MGAT4B: variants seen among roughly 807,000 people sequenced by gnomAD.
MGAT4B encodes N-acetylglucosaminyltransferase IVb.
A neutral mutation model predicts 73.9 loss-of-function variants in MGAT4B; 38 were observed. That is an observed-to-expected ratio of 0.51 (90% CI 0.40 to 0.67). The LOEUF is 0.67. Ranked by LOEUF, MGAT4B falls within the 30% of genes least tolerant of loss-of-function variation. The pLI is 0.00. For missense variants in MGAT4B, 686 were observed against 735.2 expected, an observed-to-expected ratio of 0.93 and a Z score of 0.77; for synonymous variants, 373 against 313.5, an observed-to-expected ratio of 1.19 and a Z score of -2.01.
intron 12 of MGAT4B, 22 bp downstream of exon 12, chr5:179,798,491 A>G (rs1318586107): frequency 1.2e-6 from 2 of 1,613,378 alleles, no homozygotes; most frequent in South Asian, 2.2e-5. Context: ...GCTTCAGTGC[A>G]CACCACACCC....
intron 9 of MGAT4B, 45 bp from the exon 10 acceptor site, chr5:179,799,355 TC>T (rs778444941): frequency 6.9e-6 from 11 of 1,605,566 alleles, no homozygotes; most frequent in Non-Finnish European, 8.5e-6. Context: ...TAGCCCTCCT[TC>T]CTCAACACGG....
At chr5:179,803,392 C>T in intron 1 of MGAT4B, 1 of 468,090 alleles carries the variant, frequency 2.1e-6, no homozygotes, top group Non-Finnish European at 2.8e-6. Context: ...GAATGCAGAG[C>T]TGGCTATCCC....
chr5:179,801,965 G>T lies in MGAT4B; in HGVS notation c.102C>A (p.Asp34Glu). ...WYAALSGQKGDVVDVYQREFL... is the reference protein window; with the variant it reads ...WYAALSGQKGEVVDVYQREFL... ...ACTCCCGCTGGTAAACGTCCACAAC[G>T]TCGCCTGCAGGTGGTAGGCAAGCCG... Residue 34 changes from aspartate to glutamate, a missense_variant, in exon 2 of 15, where the codon GAC becomes GAA. Coordinates refer to ENST00000292591, the MANE Select transcript of MGAT4B (RefSeq NM_014275.5). This position sits in a 1 kb window ranked among gnomAD's most constrained non-coding sequence, Gnocchi z 4.8. The T allele has an allele frequency of 6.2e-7, 1 of 1,613,378 alleles. No homozygotes were observed. Among genetic ancestry groups the T allele is most frequent in the Non-Finnish European group, 8.5e-7 (1 of 1,180,002 alleles).
At position 179,799,596 on chromosome 5, in the gene MGAT4B, C is replaced by G; in HGVS notation, c.951G>C (p.Glu317Asp). 6.2e-7 allele frequency: 1 copy of G among 1,613,932 alleles called. No homozygotes were observed. Among genetic ancestry groups the G allele is most frequent in the Non-Finnish European group, 8.5e-7 (1 of 1,180,038 alleles). Reference protein sequence around the residue: ...FKSLDLSLIVEFILMFYRDKP... With the variant: ...FKSLDLSLIVDFILMFYRDKP... Reference sequence around the variant, plus strand: ...TGTCCCGGTAGAACATGAGAATGAACTCTACAATCAGGCTCAGGTCCAGCG... The same window carrying G: ...TGTCCCGGTAGAACATGAGAATGAAGTCTACAATCAGGCTCAGGTCCAGCG... The change falls in exon 9 of 15, where the codon GAG (glutamate) becomes GAC (aspartate). Residue 317 changes from glutamate to aspartate, a missense_variant. Glu to Asp is a conservative substitution (Grantham distance 45). Coordinates refer to ENST00000292591, the MANE Select transcript of MGAT4B (RefSeq NM_014275.5).
rs188392461 is a variant in MGAT4B at position 179,799,562 on chromosome 5, C to T, written c.985G>A (p.Asp329Asn). 7 of 1,614,002 alleles carry T rather than the reference C, an allele frequency of 4.3e-6. No individual in the cohort carries two copies. The highest frequency in any genetic ancestry group is 1.7e-5 in the Admixed American group (1 of 60,026). The change falls in exon 9 of 15, where the codon GAC becomes AAC. Residue 329 changes from aspartate to asparagine, a missense_variant. Asp to Asn is a conservative substitution (Grantham distance 23). Around this residue, in one of 2 missense-constraint regions of MGAT4B, gnomAD observed 449 missense variants for 536.8 expected, o/e 0.84. Transcript: ENST00000292591. ...ILMFYRDKPI[D>N]WLLDHILWVK... ...CACAGAATATGGTCCAGGAGCCAGT[C>T]GATGGGCTTGTCCCGGTAGAACATG...
intron 1 of MGAT4B, chr5:179,802,306 G>A (rs922933298): frequency 9.4e-6 from 13 of 1,379,776 alleles, no homozygotes; most frequent in Middle Eastern, 2.7e-4. Flanking sequence ...GACTGAATCC[G>A]CTCCATCCGT....
rs1299754006 is a variant in MGAT4B, at chr5:179,806,792, C to T, written c.-209G>A. ...GGGCGCAAGCTTTGTGCCCTGTACT[C>T]AGGGAAGAGGAACAGGCTCAGAAGG... On this transcript the variant is annotated 5_prime_UTR_variant, in exon 1 of 15. Coordinates refer to ENST00000292591, the MANE Select transcript of MGAT4B (RefSeq NM_014275.5). The surrounding 1 kb of genome is among the most constrained non-coding windows in gnomAD (Gnocchi z 4.6). The T allele has an allele frequency of 6.7e-6, 1 of 149,496 alleles. No homozygotes were observed. The highest frequency in any genetic ancestry group is 1.5e-5 in the Non-Finnish European group (1 of 67,150). 9.3% of individuals were successfully genotyped at this position (149,496 alleles called of 1,614,324 possible). A position where few individuals can be genotyped will look rare whatever the true frequency, so the allele number is the denominator to read the frequency against.
chr5:179,799,489 C>A lies in MGAT4B; in HGVS notation c.1041+17G>T. 1.2e-6 allele frequency: 2 copies of A among 1,613,570 alleles called. No homozygotes were observed. The highest frequency in any genetic ancestry group is 1.7e-6 in the Non-Finnish European group (2 of 1,179,892). On this transcript the variant is annotated intron_variant, in intron 9 of 14. Transcript: ENST00000292591. ...CCCTTGGCCCTGCCCCTGCCAGTCC[C>A]GCCAGCTCTTGCTCACCGCATCCTT...
chr5:179,801,070 G>T lies in MGAT4B; in HGVS notation c.559-117C>A. On this transcript the variant is annotated intron_variant, in intron 4 of 14. Coordinates refer to ENST00000292591, the MANE Select transcript of MGAT4B (RefSeq NM_014275.5). The surrounding 1 kb of genome is among the most constrained non-coding windows in gnomAD (Gnocchi z 4.8). The stretch of plus-strand genomic sequence containing the variant: ...CCCACGTGGAGGGAGTGAGCCTGCT[G>T]TGCTGAGGGCGGAGTAAGGGGGCCC... The T allele has an allele frequency of 7.3e-7, 1 of 1,360,578 alleles. No homozygotes were observed. 84.3% of individuals were successfully genotyped at this position (1,360,578 alleles called of 1,614,324 possible). A position where few individuals can be genotyped will look rare whatever the true frequency, so the allele number is the denominator to read the frequency against.
In MGAT4B at chr5:179,798,954, G is replaced by A. The variant is rs1280406362; in HGVS notation, c.1317C>T (p.Arg439=). 2 of 1,613,654 alleles carry A rather than the reference G, an allele frequency of 1.2e-6. No homozygotes were observed. The highest frequency in any genetic ancestry group is 1.7e-5 in the Admixed American group (1 of 60,032). Residue 439 remains arginine (R), a synonymous_variant, in exon 11 of 15, where the codon CGC becomes CGT. Transcript: ENST00000292591. ...GCTCCAGTCTTAGAGGTTGGAAGAA[G>A]CGGAAGCGGATGAAGTCCCCCGCGG... ...TPAAGDFIRF[R]FFQPLRLERF...
intron 10 of MGAT4B, 35 bp from the exon 11 acceptor site, chr5:179,799,156 G>A: frequency 6.2e-7 from 1 of 1,613,926 alleles, no homozygotes; most frequent in African/African-American, 1.3e-5. Flanking sequence ...GATGGCGTGG[G>A]CCCCGACCTT....
At chr5:179,804,584 C>G (rs924940731) in intron 1 of MGAT4B, among the ~76,000 whole-genome samples, 14 of 152,200 alleles carry the variant, frequency 9.2e-5, no homozygotes, top group Non-Finnish European at 1.2e-4. Flanking sequence ...AGAGGCCGTC[C>G]TGGGCTTGAC....
Position 179,806,445 on chromosome 5 carries a change from C to CCCAGATGCG in MGAT4B, c.97+41_97+42insCGCATCTGG, listed in dbSNP as rs1562626254. The CCCAGATGCG allele has an allele frequency of 1.7e-6, 2 of 1,182,024 alleles. No homozygotes were observed. Among genetic ancestry groups the CCCAGATGCG allele is most frequent in the South Asian group, 4.6e-5 (2 of 43,114 alleles). The allele number at this position is 1,182,024 out of a possible 1,614,324, so 73.2% of individuals were successfully genotyped here. A position where few individuals can be genotyped will look rare whatever the true frequency, so the allele number is the denominator to read the frequency against. ...GCCGGGCCCGCTCCCGCCGCCGACG[C>CCCAGATGCG]CCAGGTGCGCCAGGTGCGGGCCGGG... On this transcript the variant is annotated intron_variant, in intron 1 of 14. Transcript: ENST00000292591. The surrounding 1 kb of genome is among the most constrained non-coding windows in gnomAD (Gnocchi z 4.6).
In MGAT4B at chr5:179,799,650, G is replaced by T; in HGVS notation, c.911-14C>A. ...TGAACATCTTACCTGGTGGGGAGGGGCCTGAGTGGGCAGTGCTGCTCTGCC... is the reference window on the plus strand; with the variant it reads ...TGAACATCTTACCTGGTGGGGAGGGTCCTGAGTGGGCAGTGCTGCTCTGCC... On this transcript the variant is annotated splice_polypyrimidine_tract_variant and intron_variant, in intron 8 of 14. Transcript: ENST00000292591. 1 of 1,613,366 alleles carries T rather than the reference G, an allele frequency of 6.2e-7. No homozygotes were observed. Among genetic ancestry groups the T allele is most frequent in the Non-Finnish European group, 8.5e-7 (1 of 1,179,982 alleles).
chr5:179,799,698 G>GC (rs955335973), intron 8 of MGAT4B, 62 bp from the exon 9 acceptor site: 19 of 1,605,954 alleles, frequency 1.2e-5, no homozygotes, highest in Non-Finnish European at 1.6e-5. Flanking sequence ...CCCTGCAGCG[G>GC]CCCCCGAGTC....
Position 179,800,762 on chromosome 5 carries a change from C to G in MGAT4B, c.605+145G>C. 6 of 1,056,786 alleles carry G rather than the reference C, an allele frequency of 5.7e-6. No individual in the cohort carries two copies. The South Asian group carries it at 8.2e-5, about 15-fold the overall frequency. 65.5% of individuals were successfully genotyped at this position (1,056,786 alleles called of 1,614,324 possible). A position where few individuals can be genotyped will look rare whatever the true frequency, so the allele number is the denominator to read the frequency against. On this transcript the variant is annotated intron_variant, in intron 5 of 14. Coordinates refer to ENST00000292591, the MANE Select transcript of MGAT4B (RefSeq NM_014275.5). ...GAGCTCCAGAGGGGCTGGGCCACTTCTGCACACCCACCCCTCCCCCACCAG... is the reference window on the plus strand; with the variant it reads ...GAGCTCCAGAGGGGCTGGGCCACTTGTGCACACCCACCCCTCCCCCACCAG...
rs561073025 is a variant in MGAT4B, at chr5:179,806,663, A to AGGCGGCGGCGGC, written c.-92_-81dup. 2 of 582,916 alleles carry AGGCGGCGGCGGC rather than the reference A, an allele frequency of 3.4e-6. No individual in the cohort carries two copies. Among genetic ancestry groups the AGGCGGCGGCGGC allele is most frequent in the Admixed American group, 7.1e-5 (1 of 14,024 alleles). The allele number at this position is 582,916 out of a possible 1,614,324, so 36.1% of individuals were successfully genotyped here. The stretch of plus-strand genomic sequence containing the variant: ...CCGGGGCCGGGGCGCAGGGGTCGGA[A>AGGCGGCGGCGGC]GGCGGCGGCGGCGGCGGCAGGGGCC... On this transcript the variant is annotated 5_prime_UTR_variant, in exon 1 of 15. Coordinates refer to ENST00000292591, the MANE Select transcript of MGAT4B (RefSeq NM_014275.5). This position sits in a 1 kb window ranked among gnomAD's most constrained non-coding sequence, Gnocchi z 4.6.
rs1274116648 is a variant in MGAT4B at position 179,801,534 on chromosome 5, C to T, written c.424+20G>A. 5 of 1,605,784 alleles carry T rather than the reference C, an allele frequency of 3.1e-6. No individual in the cohort carries two copies. The Admixed American group carries it at 5.0e-5, about 16-fold the overall frequency. ...CCACCCGTCCCCCCACCCCGTGCTC[C>T]TCCCTGTCTGCGCCCATACCTCCGG... On this transcript the variant is annotated intron_variant, in intron 3 of 14. Coordinates refer to ENST00000292591, the MANE Select transcript of MGAT4B (RefSeq NM_014275.5). The surrounding 1 kb of genome is among the most constrained non-coding windows in gnomAD (Gnocchi z 4.8).
chr5:179,802,204 G>A lies in MGAT4B; in HGVS notation c.98-235C>T, dbSNP rs1026044871. 31 of 1,478,618 alleles carry A rather than the reference G, an allele frequency of 2.1e-5. No individual in the cohort carries two copies. In the Admixed American group the frequency reaches 2.3e-4, roughly 11 times the overall value. The allele number at this position is 1,478,618 out of a possible 1,614,324, so 91.6% of individuals were successfully genotyped here. ...TCTTCCAGTACTCTCCCCCACCGGG[G>A]GTTATTTTATCCTCTGAGAAGGCAT... On this transcript the variant is annotated intron_variant, in intron 1 of 14. Coordinates refer to ENST00000292591, the MANE Select transcript of MGAT4B (RefSeq NM_014275.5).
Sources: allele counts gnomAD v4.1 joint callset (sites outside exome capture counted in the v4.1 genomes callset), GRCh38; gene constraint gnomAD v4.1.1; regional missense constraint gnomAD v4.1.1; non-coding constraint Gnocchi (gnomAD v3.1); transcripts MANE v1.5; gene names NCBI Gene and HGNC (gene_info 2026-07-23, HGNC 2026-07-21).